Variants in MYO16 observed in about 807,000 individuals in gnomAD.
The protein encoded by MYO16 is unconventional myosin-XVI.
Under a neutral mutation model 205.3 loss-of-function variants are expected in MYO16, and 94 were observed. The ratio of observed to expected loss-of-function variants is 0.46; its 90% CI spans 0.39 to 0.54. The LOEUF (loss-of-function observed/expected upper bound fraction) is 0.54, where lower values mean the gene tolerates loss of function less well. Among genes scored for constraint, MYO16 ranks in the 20% least tolerant of loss-of-function variants. The pLI, the probability that MYO16 is intolerant of heterozygous loss-of-function variation, is 0.00. For missense variants in MYO16, 2,315 were observed against 2,387.5 expected (o/e 0.97, Z 0.63); for synonymous variants, 988 against 954.0 (o/e 1.04, Z -0.66).
At chr13:108,510,454 G>T in the MYO16 span, among the ~76,000 whole-genome samples, 7 of 72,368 alleles carry the variant, frequency 9.7e-5, no homozygotes, top group South Asian at 5.1e-4. Context: ...ATTTAACATT[G>T]ATAGCTGTTT....
At chr13:109,151,048 C>T (rs929452746) in intron 32 of MYO16, among the ~76,000 whole-genome samples, 1 of 152,250 alleles carries the variant, frequency 6.6e-6, no homozygotes, top group Non-Finnish European at 1.5e-5. Context: ...GTGCCATGCT[C>T]TTTCTCTCCT....
intron 3 of MYO16, among the ~76,000 whole-genome samples, chr13:108,720,410 ACTTTT>A (rs1884117218): frequency 6.6e-6 from 1 of 152,212 alleles, no homozygotes; most frequent in African/African-American, 2.4e-5. Flanking sequence ...TTTGTCCGCT[ACTTTT>A]CTTCTCTCTC....
At chr13:108,953,932 C>A (rs1883249975) in intron 16 of MYO16, among the ~76,000 whole-genome samples, 1 of 152,150 alleles carries the variant, frequency 6.6e-6, no homozygotes, top group Non-Finnish European at 1.5e-5. Context: ...CAAGCTGAAG[C>A]CATCTTTCCT....
the MYO16 span, among the ~76,000 whole-genome samples, chr13:108,577,099 C>G: frequency 9.9e-5 from 15 of 152,190 alleles, no homozygotes; most frequent in Non-Finnish European, 1.6e-4. Context: ...TTCTAAAATT[C>G]CCCACCATAC....
intron 4 of MYO16, among the ~76,000 whole-genome samples, chr13:108,757,441 C>G (rs1885455189): frequency 6.6e-6 from 1 of 152,116 alleles, no homozygotes; most frequent in Non-Finnish European, 1.5e-5. Flanking sequence ...GACTTACAGT[C>G]ATACTTAAAG....
chr13:109,151,093 T>C (rs1877635366), intron 32 of MYO16, among the ~76,000 whole-genome samples: 1 of 152,244 alleles, frequency 6.6e-6, no homozygotes, highest in African/African-American at 2.4e-5. Context: ...TATTTCCCAA[T>C]TACCTACCAG....
chr13:108,755,409 T>A (rs1377137108), intron 4 of MYO16, among the ~76,000 whole-genome samples: 2 of 152,182 alleles, frequency 1.3e-5, no homozygotes, highest in Non-Finnish European at 1.5e-5. Context: ...TTTTATGAGA[T>A]AATTCTCAAT....
chr13:109,032,637 G>C (rs780403026), intron 23 of MYO16, among the ~76,000 whole-genome samples: 4 of 152,168 alleles, frequency 2.6e-5, no homozygotes, highest in African/African-American at 4.8e-5. Flanking sequence ...TGTAGACTTT[G>C]GTGTATGAAG....
At chr13:109,116,035 C>A (rs1472077942) in intron 28 of MYO16, among the ~76,000 whole-genome samples, 1 of 152,070 alleles carries the variant, frequency 6.6e-6, no homozygotes, top group East Asian at 1.9e-4. Context: ...TGAGTATCTC[C>A]AAATATTGCC....
chr13:108,880,863 T>C (rs1052459590), intron 12 of MYO16, among the ~76,000 whole-genome samples: 10 of 152,224 alleles, frequency 6.6e-5, no homozygotes, highest in Admixed American at 2.0e-4. Context: ...CTTGGTTCCA[T>C]ATGAACTTTA....
chr13:108,553,921 G>T, the MYO16 span, among the ~76,000 whole-genome samples: 1 of 152,094 alleles, frequency 6.6e-6, no homozygotes, highest in African/African-American at 2.4e-5. Context: ...AAGTGTGTTG[G>T]AAGCATGTGC....
rs537575731 is a variant in MYO16, at chr13:109,201,850, T to A, written c.5416-4759T>A. Among the ~76,000 whole-genome samples the A allele has an allele frequency of 2.0e-5, 3 of 152,272 alleles. No homozygotes were observed. The South Asian group carries it at 6.2e-4, about 32-fold the overall frequency. The stretch of plus-strand genomic sequence containing the variant: ...CACTTATAAGTGAGAACATACAATG[T>A]CTGGTTTCCCATTCCTGAGTTAGTT... On this transcript the variant is annotated intron_variant, in intron 34 of 34. Transcript: ENST00000457511.
At chr13:108,792,817 T>A (rs1174058826) in intron 5 of MYO16, among the ~76,000 whole-genome samples, 4 of 152,088 alleles carry the variant, frequency 2.6e-5, no homozygotes, top group African/African-American at 9.7e-5. Flanking sequence ...CAGCCTAAAG[T>A]CTTTTCTTCT....
chr13:108,522,607 G>C, the MYO16 span, among the ~76,000 whole-genome samples: 7 of 152,136 alleles, frequency 4.6e-5, no homozygotes, highest in African/African-American at 1.7e-4. Flanking sequence ...CCAAGATCAA[G>C]ATGTGAGCAG....
At chr13:108,734,084 A>G (rs1437221734) in intron 4 of MYO16, among the ~76,000 whole-genome samples, 1 of 152,278 alleles carries the variant, frequency 6.6e-6, no homozygotes, top group Non-Finnish European at 1.5e-5. Context: ...TAGAGGAAAT[A>G]CAAGGTTAGG....
chr13:108,643,271 A>G (rs1880592457), intron 1 of MYO16, among the ~76,000 whole-genome samples: 1 of 152,170 alleles, frequency 6.6e-6, no homozygotes, highest in African/African-American at 2.4e-5. Flanking sequence ...ATCTTCTGAG[A>G]TTGGCTTTTA....
At chr13:109,050,493 T>A (rs148598956) in intron 24 of MYO16, among the ~76,000 whole-genome samples, 1 of 152,306 alleles carries the variant, frequency 6.6e-6, no homozygotes, top group Non-Finnish European at 1.5e-5. Context: ...TAAAGCTTGC[T>A]GTTTTCCCTT....
chr13:108,792,540 T>A lies in MYO16; in HGVS notation c.617-976T>A, dbSNP rs1454897336. On this transcript the variant is annotated intron_variant, in intron 5 of 34. Transcript: ENST00000457511. ...TTTTTTTTTTTTTTGAGATGGAGTT[T>A]TGCTCTTGGTGCCCAGGCTGGAGTG... 2.0e-5 allele frequency among the ~76,000 whole-genome samples: 3 copies of A among 151,276 alleles called. No individual in the cohort carries two copies. The East Asian group carries it at 5.8e-4, about 29-fold the overall frequency.
At chr13:108,999,788 G>A (rs1018613443) in intron 21 of MYO16, among the ~76,000 whole-genome samples, 5 of 152,084 alleles carry the variant, frequency 3.3e-5, no homozygotes, top group Non-Finnish European at 7.4e-5. Context: ...TTAATAACAA[G>A]CTATTTTCAG....
Sources: gnomAD v4.1 joint callset for allele counts (sites outside exome capture counted in the v4.1 genomes callset) on GRCh38, gnomAD v4.1.1 for gene constraint, MANE v1.5 for transcripts, NCBI Gene and HGNC (gene_info 2026-07-23, HGNC 2026-07-21) for gene names.